YIPF2: variants seen among roughly 807,000 people sequenced by gnomAD.
YIPF2 encodes Yip1 domain family member 2.
Under a neutral mutation model 38.8 loss-of-function variants are expected in YIPF2, and 30 were observed. The observed-to-expected ratio is 0.77, with a 90% CI of 0.58 to 1.05. The LOEUF (loss-of-function observed/expected upper bound fraction) is 1.05. YIPF2 is among the 50% of genes least tolerant of loss of function. The pLI, the probability that YIPF2 is intolerant of heterozygous loss-of-function variation, is 0.00. For missense variants in YIPF2, 401 were observed against 409.7 expected (o/e 0.98, Z 0.18); for synonymous variants, 194 against 183.8 (o/e 1.06, Z -0.45).
At chr19:10,927,506 A>G in intron 4 of YIPF2, 124 bp downstream of exon 4, 3 of 1,245,552 alleles carry the variant, frequency 2.4e-6, no homozygotes, top group Non-Finnish European at 3.4e-6. Flanking sequence ...TCCCACCATA[A>G]CCCTTTGAGA....
In YIPF2 at chr19:10,928,422, G is replaced by T; in HGVS notation, c.-12C>A. 1.5e-6 allele frequency: 2 copies of T among 1,338,226 alleles called. No individual in the cohort carries two copies. The highest frequency in any genetic ancestry group is 9.6e-7 in the Non-Finnish European group (1 of 1,040,426). 82.9% of individuals were successfully genotyped at this position (1,338,226 alleles called of 1,614,324 possible). ...TCGGCCGATGCCATGGTCGTTCAGG[G>T]GCGTCTCCGCATCCCTCGCTGAGGA... On this transcript the variant is annotated 5_prime_UTR_variant, in exon 2 of 10. Coordinates refer to ENST00000586748, the MANE Select transcript of YIPF2 (RefSeq NM_001321439.2).
At chr19:10,926,834 T>TATTTTATTTTATTTTTTATTTA (rs1296998149) in intron 4 of YIPF2, among the ~76,000 whole-genome samples, 1 of 151,770 alleles carries the variant, frequency 6.6e-6, no homozygotes, top group Admixed American at 6.6e-5. Context: ...CTAATTTTTC[T>TATTTTATTTTATTTTTTATTTA]ATTTTATTTT....
rs777339619 is a variant in YIPF2, at chr19:10,923,664, A to G, written c.665T>C (p.Ile222Thr). The G allele has an allele frequency of 2.5e-6, 4 of 1,609,722 alleles. No homozygotes were observed. In the East Asian group the frequency reaches 8.9e-5, roughly 36 times the overall value. ...GAGCCACTGCAGCCAAGGCACAGGG[A>G]TGAGCCACAGGACCTGGGAGCAACA... is the stretch of plus-strand genomic sequence containing the variant. ...VFIPMVVLWL[I>T]PVPWLQWLFG... Residue 222 changes from isoleucine to threonine, a missense_variant, in exon 8 of 10, where the codon ATC becomes ACC. Coordinates refer to ENST00000586748, the MANE Select transcript of YIPF2 (RefSeq NM_001321439.2).
chr19:10,926,540 T>C (rs1044235118), intron 4 of YIPF2, among the ~76,000 whole-genome samples: 3 of 151,562 alleles, frequency 2.0e-5, no homozygotes, highest in Non-Finnish European at 4.4e-5. Flanking sequence ...CACCCCCTTT[T>C]TCTTTTTGAG....
chr19:10,926,675 T>C (rs1183097192), intron 4 of YIPF2, among the ~76,000 whole-genome samples: 1 of 150,426 alleles, frequency 6.6e-6, no homozygotes, highest in Non-Finnish European at 1.5e-5. Flanking sequence ...TACAGGTGTG[T>C]GCCACCATGC....
intron 2 of YIPF2, 25 bp downstream of exon 2, chr19:10,928,355 C>T (rs1348421878): frequency 7.6e-7 from 1 of 1,319,464 alleles, no homozygotes; most frequent in African/African-American, 1.5e-5. Context: ...AGTGGGAGAT[C>T]CGGCCACGTC....
intron 4 of YIPF2, among the ~76,000 whole-genome samples, chr19:10,927,175 GT>G (rs1205847556): frequency 4.9e-4 from 74 of 151,966 alleles, no homozygotes; most frequent in Non-Finnish European, 7.4e-5. Context: ...GCACCCGGCA[GT>G]TTTTGTATTT....
At position 10,923,519 on chromosome 19, in the gene YIPF2, G is replaced by T. The variant is rs753889017; in HGVS notation, c.810C>A (p.His270Gln). The T allele has an allele frequency of 6.2e-7, 1 of 1,612,516 alleles. No individual in the cohort carries two copies. The highest frequency in any genetic ancestry group is 1.7e-5 in the Admixed American group (1 of 59,970). Residue 270 changes from histidine (H) to glutamine (Q), a missense_variant, in exon 8 of 10, where the codon CAC becomes CAA. Physicochemically the swap from His to Gln is conservative, Grantham distance 24. Coordinates refer to ENST00000586748, the MANE Select transcript of YIPF2 (RefSeq NM_001321439.2). ...CCTTACAGCCCATGGCCAGGAGGGC[G>T]TGGAGCAGCACGACCACGGACAGCA... is the stretch of plus-strand genomic sequence containing the variant. ...TVLLSVVVLL[H>Q]ALLAMGCKLY...
rs1171392533 is a variant in YIPF2 at position 10,924,206 on chromosome 19, G to T, written c.368-14C>A. 3.7e-6 allele frequency: 6 copies of T among 1,604,558 alleles called. No homozygotes were observed. Among genetic ancestry groups the T allele is most frequent in the African/African-American group, 2.7e-5 (2 of 74,772 alleles). ...TCCAGAAGGGGCCTGGGGGTAGGGG[G>T]CACAGTCAGGGTCCCGGGCCCTGCA... On this transcript the variant is annotated splice_polypyrimidine_tract_variant and intron_variant, in intron 5 of 9. Coordinates refer to ENST00000586748, the MANE Select transcript of YIPF2 (RefSeq NM_001321439.2).
At chr19:10,925,882 G>A in intron 4 of YIPF2, 109 bp from the exon 5 acceptor site, 1 of 822,404 alleles carries the variant, frequency 1.2e-6, no homozygotes, top group East Asian at 3.1e-5. Flanking sequence ...TGCCCCACCT[G>A]AAAGAACTCA....
chr19:10,923,725 C>T (rs1293199633), intron 7 of YIPF2, 48 bp from the exon 8 acceptor site: 2 of 1,579,846 alleles, frequency 1.3e-6, no homozygotes, highest in Non-Finnish European at 8.6e-7. Context: ...CCCCAGCCAC[C>T]ACCCACTCTG....
chr19:10,923,974 G>A lies in YIPF2; in HGVS notation c.510C>T (p.Tyr170=). The change falls in exon 7 of 10, where the codon TAC becomes TAT. Residue 170 remains tyrosine, a synonymous_variant. Coordinates refer to ENST00000586748, the MANE Select transcript of YIPF2 (RefSeq NM_001321439.2). ...HKVTVAGISI[Y]CYAWLVPLAL... ...CCAGGGGCACCAGCCACGCATAGCA[G>A]TAGATGCTGATGCCTGCCACGGTCA... 1 of 1,613,370 alleles carries A rather than the reference G, an allele frequency of 6.2e-7. No homozygotes were observed. The highest frequency in any genetic ancestry group is 2.2e-5 in the East Asian group (1 of 44,876).
At chr19:10,928,240 G>T in intron 2 of YIPF2, 140 bp downstream of exon 2, 1 of 1,083,554 alleles carries the variant, frequency 9.2e-7, no homozygotes, top group South Asian at 2.6e-5. Context: ...GGCGGGGTTC[G>T]AGTCAGAGAT....
Position 10,924,118 on chromosome 19 carries a change from T to G in YIPF2, c.442A>C (p.Arg148=), listed in dbSNP as rs1227429660. The stretch of plus-strand genomic sequence containing the variant: ...CTGTAGTGGATGGAGGGGTCCCTCC[T>G]CTGGGCCAGCACCAGCGTCAGGTTG... ...TGNLTLVLAQ[R]RDPSIHYSPQ... The change falls in exon 6 of 10, where the codon AGG becomes CGG. Residue 148 remains arginine (R), a synonymous_variant. Transcript: ENST00000586748. The G allele has an allele frequency of 6.2e-7, 1 of 1,613,626 alleles. No homozygotes were observed. Among genetic ancestry groups the G allele is most frequent in the East Asian group, 2.2e-5 (1 of 44,888 alleles).
intron 2 of YIPF2, 146 bp downstream of exon 2, chr19:10,928,234 G>C (rs994474194): frequency 2.0e-6 from 2 of 1,005,102 alleles, no homozygotes; most frequent in African/African-American, 1.6e-5. Flanking sequence ...GGCGGGGGCG[G>C]GGTTCGAGTC....
chr19:10,923,493 A>G lies in YIPF2; in HGVS notation c.834+2T>C. The G allele has an allele frequency of 5.0e-6, 8 of 1,612,878 alleles. No homozygotes were observed. The highest frequency in any genetic ancestry group is 2.2e-5 in the East Asian group (1 of 44,870). ...CCACCTGTGGCCACCCCAGACCCGT[A>G]CCTTACAGCCCATGGCCAGGAGGGC... On this transcript the variant is annotated splice_donor_variant, in intron 8 of 9. Coordinates refer to ENST00000586748, the MANE Select transcript of YIPF2 (RefSeq NM_001321439.2). LOFTEE classifies it high-confidence loss of function.
intron 4 of YIPF2, among the ~76,000 whole-genome samples, chr19:10,926,753 C>T (rs1012231961): frequency 6.6e-6 from 1 of 152,156 alleles, no homozygotes; most frequent in Non-Finnish European, 1.5e-5. Flanking sequence ...TCTCCAACTC[C>T]TGACCTCAAG....
rs770818497 is a variant in YIPF2 at position 10,925,655 on chromosome 19, A to T, written c.367+31T>A. 2.2e-5 allele frequency: 35 copies of T among 1,613,272 alleles called. No homozygotes were observed. The East Asian group carries it at 7.8e-4, about 36-fold the overall frequency. ...TCAGGCCACACTTGTTGAGTGATCCATCAAGGAACCAAATGCACAACCTCA... is the reference window on the plus strand; with the variant it reads ...TCAGGCCACACTTGTTGAGTGATCCTTCAAGGAACCAAATGCACAACCTCA... On this transcript the variant is annotated intron_variant, in intron 5 of 9. Coordinates refer to ENST00000586748, the MANE Select transcript of YIPF2 (RefSeq NM_001321439.2).
intron 4 of YIPF2, among the ~76,000 whole-genome samples, chr19:10,926,929 G>A (rs1051638569): frequency 3.3e-5 from 5 of 152,040 alleles, no homozygotes; most frequent in Non-Finnish European, 7.4e-5. Flanking sequence ...GAGTGCACTG[G>A]CACGATCTTG....
Sources: allele counts gnomAD v4.1 joint callset (sites outside exome capture counted in the v4.1 genomes callset), GRCh38; gene constraint gnomAD v4.1.1; transcripts MANE v1.5; gene names NCBI Gene and HGNC (gene_info 2026-07-23, HGNC 2026-07-21).